CDH12: variants seen among roughly 807,000 people sequenced by gnomAD.
CDH12 encodes the protein cadherin-12.
CDH12 carries 41 observed loss-of-function variants against 74.1 expected under a neutral mutation model. That is an observed-to-expected ratio of 0.55 (90% CI 0.43 to 0.72). The LOEUF (loss-of-function observed/expected upper bound fraction) is 0.72, where lower values mean the gene tolerates loss of function less well. CDH12 is among the 30% of genes least tolerant of loss of function. The pLI, the probability that CDH12 is intolerant of heterozygous loss-of-function variation, is 0.00. For synonymous variants in CDH12, 399 were observed against 355.0 expected (o/e 1.12, Z -1.39); for missense variants, 945 against 977.2 (o/e 0.97, Z 0.44).
At chr5:21,914,063 C>G (rs1753981105) in intron 6 of CDH12, among the ~76,000 whole-genome samples, 1 of 152,120 alleles carries the variant, frequency 6.6e-6, no homozygotes, top group Non-Finnish European at 1.5e-5. Flanking sequence ...CAAACTCTGT[C>G]AAACAGAGTA....
At chr5:22,710,845 A>C (rs1252125991) in intron 1 of CDH12, among the ~76,000 whole-genome samples, 1 of 152,124 alleles carries the variant, frequency 6.6e-6, no homozygotes, top group Non-Finnish European at 1.5e-5. Flanking sequence ...TCCTGACGTC[A>C]TACAAAAATA....
intron 1 of CDH12, among the ~76,000 whole-genome samples, chr5:22,757,027 A>C (rs528068646): frequency 1.3e-5 from 2 of 152,136 alleles, no homozygotes; most frequent in East Asian, 3.9e-4. Flanking sequence ...GTTTTCTAAT[A>C]TCTACCCTCT....
chr5:21,854,587 T>A (rs973927109), intron 7 of CDH12, 84 bp downstream of exon 7: 1 of 1,116,784 alleles, frequency 9.0e-7, no homozygotes, highest in African/African-American at 1.6e-5. Flanking sequence ...TATATTAGAA[T>A]ATGCAACTCC....
Position 21,765,089 on chromosome 5 carries a change from TA to T in CDH12, c.1403del (p.Leu468TyrfsTer2). On this transcript the variant is annotated frameshift_variant, in exon 12 of 15. Transcript: ENST00000382254. LOFTEE classifies it high-confidence loss of function. The part of the protein sequence containing the change: ...SIIASKVSNP[L>X]LTSKVNILIN... ...TCAGTATATTGACTTTGCTGGTCAA[TA>T]AAGGGTTACCTGTTAAAAACATATA... 1 of 1,585,092 alleles carries T rather than the reference TA, an allele frequency of 6.3e-7. No individual in the cohort carries two copies. Among genetic ancestry groups the T allele is most frequent in the Non-Finnish European group, 8.6e-7 (1 of 1,167,920 alleles).
intron 8 of CDH12, among the ~76,000 whole-genome samples, chr5:21,828,551 T>C (rs1468264597): frequency 6.6e-6 from 1 of 152,224 alleles, no homozygotes; most frequent in African/African-American, 2.4e-5. Flanking sequence ...TCTCTTCCCA[T>C]GTATATTTTG....
chr5:22,508,880 G>A (rs953912817), intron 1 of CDH12, among the ~76,000 whole-genome samples: 18 of 152,056 alleles, frequency 1.2e-4, no homozygotes, highest in African/African-American at 4.3e-4. Context: ...ACAACCTTGG[G>A]CACATAGTCT....
At chr5:22,396,366 G>A (rs1011329970) in intron 3 of CDH12, among the ~76,000 whole-genome samples, 3 of 152,100 alleles carry the variant, frequency 2.0e-5, no homozygotes, top group Admixed American at 2.0e-4. Context: ...TCTGCCTGAT[G>A]CACTAGAAGC....
At chr5:21,787,304 C>A (rs1239479507) in intron 10 of CDH12, among the ~76,000 whole-genome samples, 2 of 152,164 alleles carry the variant, frequency 1.3e-5, no homozygotes, top group Admixed American at 1.3e-4. Context: ...CAACCTTCAA[C>A]AACCACCACC....
intron 3 of CDH12, among the ~76,000 whole-genome samples, chr5:22,275,090 A>G (rs1483267360): frequency 6.6e-6 from 1 of 152,124 alleles, no homozygotes; most frequent in Non-Finnish European, 1.5e-5. Flanking sequence ...CAAGAAAAGG[A>G]CACAGAGAGG....
chr5:22,298,164 T>C (rs1737710296), intron 3 of CDH12, among the ~76,000 whole-genome samples: 1 of 150,402 alleles, frequency 6.6e-6, no homozygotes. Context: ...TATTTCTCAC[T>C]TTTAGTTTTC....
chr5:22,309,791 A>C (rs2150427182), intron 3 of CDH12, among the ~76,000 whole-genome samples: 1 of 152,098 alleles, frequency 6.6e-6, no homozygotes, highest in African/African-American at 2.4e-5. Context: ...GAGGTCCAAA[A>C]AGTACCTTGA....
At position 22,289,591 on chromosome 5, in the gene CDH12, T is replaced by C. The variant is rs1013685454; in HGVS notation, c.-332-76948A>G. On this transcript the variant is annotated intron_variant, in intron 3 of 14. Transcript: ENST00000382254. ...CAACTATCTACAAAAAAGAATACTTTCCAAAGAGATAAGAAATCCAAGTGG... is the reference window on the plus strand; with the variant it reads ...CAACTATCTACAAAAAAGAATACTTCCCAAAGAGATAAGAAATCCAAGTGG... Among the ~76,000 whole-genome samples, 61 of 152,198 alleles carry C rather than the reference T, an allele frequency of 4.0e-4. 1 individual carries two copies. The highest frequency in any genetic ancestry group is 1.4e-3 in the African/African-American group (57 of 41,506).
At chr5:21,839,944 G>A (rs887433316) in intron 8 of CDH12, among the ~76,000 whole-genome samples, 3 of 152,114 alleles carry the variant, frequency 2.0e-5, no homozygotes, top group Non-Finnish European at 4.4e-5. Flanking sequence ...TGTAACACAA[G>A]TGAGAACTCA....
At chr5:22,119,645 AT>A (rs1402508012) in intron 4 of CDH12, among the ~76,000 whole-genome samples, 1 of 152,112 alleles carries the variant, frequency 6.6e-6, no homozygotes, top group Non-Finnish European at 1.5e-5. Flanking sequence ...AAGTATATAA[AT>A]TATGGGTTTT....
At chr5:22,156,352 A>C (rs1748022694) in intron 4 of CDH12, among the ~76,000 whole-genome samples, 4 of 152,134 alleles carry the variant, frequency 2.6e-5, no homozygotes, top group Admixed American at 2.6e-4. Flanking sequence ...TGAAAAGGAG[A>C]ATTAATAGAG....
At chr5:21,887,054 A>G (rs1452604535) in intron 6 of CDH12, among the ~76,000 whole-genome samples, 1 of 152,156 alleles carries the variant, frequency 6.6e-6, no homozygotes, top group East Asian at 1.9e-4. Flanking sequence ...CCATATTTAC[A>G]CGATAAAATT....
Position 21,880,616 on chromosome 5 carries a change from C to CTTCTTTCTTTCTCTTTCTTTCT in CDH12, c.527-25827_527-25826insAGAAAGAAAGAGAAAGAAAGAA, listed in dbSNP as rs1752258195. Among the ~76,000 whole-genome samples, 38 of 50,866 alleles carry CTTCTTTCTTTCTCTTTCTTTCT rather than the reference C, an allele frequency of 7.5e-4. 1 individual carries two copies. Among genetic ancestry groups the CTTCTTTCTTTCTCTTTCTTTCT allele is most frequent in the African/African-American group, 2.9e-3 (33 of 11,418 alleles). 33.4% of individuals were successfully genotyped at this position (50,866 alleles called of 152,430 possible). The stretch of plus-strand genomic sequence containing the variant: ...CCTTCCTTCCTTCCTTCCTTCCTTC[C>CTTCTTTCTTTCTCTTTCTTTCT]TTCTTTCTTTCTTTCTTTCTTTCTT... On this transcript the variant is annotated intron_variant, in intron 6 of 14. Transcript: ENST00000382254.
At chr5:22,097,296 T>G (rs1227481782) in intron 4 of CDH12, among the ~76,000 whole-genome samples, 1 of 152,166 alleles carries the variant, frequency 6.6e-6, no homozygotes, top group Non-Finnish European at 1.5e-5. Context: ...TTCCCAGCTC[T>G]TCTCAGCTTA....
intron 2 of CDH12, among the ~76,000 whole-genome samples, chr5:22,444,277 A>G (rs1292072885): frequency 6.6e-6 from 1 of 152,052 alleles, no homozygotes; most frequent in African/African-American, 2.4e-5. Context: ...TGTTATTGCT[A>G]TATATTTTAA....
Sources: allele counts gnomAD v4.1 joint callset (sites outside exome capture counted in the v4.1 genomes callset), GRCh38; gene constraint gnomAD v4.1.1; transcripts MANE v1.5; gene names NCBI Gene and HGNC (gene_info 2026-07-23, HGNC 2026-07-21).